The following HECW1 variants were observed in gnomAD, a reference collection of about 807,000 sequenced individuals.
HECW1 encodes E3 ubiquitin-protein ligase HECW1.
In HECW1, 61 loss-of-function variants were observed where a neutral mutation model predicts 182.3. The observed-to-expected ratio is 0.33, with a 90% CI of 0.27 to 0.41. The LOEUF is 0.41. Among genes scored for constraint, HECW1 ranks in the 10% least tolerant of loss-of-function variants. The pLI, the probability that HECW1 is intolerant of heterozygous loss-of-function variation, is 1.00. For missense variants in HECW1, 1,739 were observed against 2,108.9 expected (o/e 0.82, Z 3.44); for synonymous variants, 859 against 832.6 (o/e 1.03, Z -0.55).
intron 5 of HECW1, 132 bp from the exon 6 acceptor site, chr7:43,360,754 C>A: frequency 1.4e-6 from 1 of 702,334 alleles, no homozygotes; most frequent in Non-Finnish European, 2.6e-6. Context: ...TGAGGAGCAT[C>A]ATTGTCGAGT....
intron 3 of HECW1, chr7:43,248,705 C>CTCCTTT (rs1359814232): frequency 2.8e-5 from 4 of 140,422 alleles, no homozygotes; most frequent in African/African-American, 1.1e-4. Context: ...TTTCCTCCTC[C>CTCCTTT]TCCTCCTCCT....
chr7:43,370,621 C>T (rs923144386), intron 6 of HECW1, among the ~76,000 whole-genome samples: 1 of 151,882 alleles, frequency 6.6e-6, no homozygotes, highest in Non-Finnish European at 1.5e-5. Flanking sequence ...CTTTAGCAGG[C>T]AAGCAGATAA....
intron 14 of HECW1, among the ~76,000 whole-genome samples, chr7:43,466,170 A>C (rs1290533549): frequency 7.0e-6 from 1 of 142,756 alleles, no homozygotes; most frequent in Admixed American, 6.9e-5. Context: ...GGAAGGAAAG[A>C]AGGAAGGAAG....
intron 2 of HECW1, among the ~76,000 whole-genome samples, chr7:43,230,196 C>T (rs940350607): frequency 1.4e-4 from 21 of 152,294 alleles, no homozygotes; most frequent in African/African-American, 4.8e-4. Context: ...AGTTTGAGAC[C>T]AGCCTGGCCA....
At chr7:43,159,600 A>G (rs1352630318) in intron 2 of HECW1, among the ~76,000 whole-genome samples, 1 of 152,160 alleles carries the variant, frequency 6.6e-6, no homozygotes, top group African/African-American at 2.4e-5. Context: ...TTATGAATTT[A>G]CAATTCTACT....
chr7:43,220,125 C>T (rs1796819838), intron 2 of HECW1, among the ~76,000 whole-genome samples: 1 of 152,196 alleles, frequency 6.6e-6, no homozygotes, highest in Admixed American at 6.5e-5. Context: ...TTCCCAGTAC[C>T]CCTTAGGTTT....
chr7:43,301,702 T>C (rs868142572), intron 3 of HECW1, among the ~76,000 whole-genome samples: 10 of 151,922 alleles, frequency 6.6e-5, no homozygotes, highest in South Asian at 2.1e-4. Context: ...GTGAAACCCC[T>C]TCTCTACTAA....
intron 2 of HECW1, among the ~76,000 whole-genome samples, chr7:43,227,075 C>T (rs113413808): frequency 0.025 from 3,802 of 152,292 alleles, 76 homozygotes; most frequent in Non-Finnish European, 0.039. Context: ...ATGCCTCTCT[C>T]ATTAATGTCT....
chr7:43,380,458 C>T (rs1162007888), intron 6 of HECW1, among the ~76,000 whole-genome samples: 1 of 152,042 alleles, frequency 6.6e-6, no homozygotes, highest in African/African-American at 2.4e-5. Flanking sequence ...CCAGTTTATT[C>T]TACTGTTGAT....
chr7:43,295,880 A>C (rs1283749370), intron 3 of HECW1, among the ~76,000 whole-genome samples: 2 of 152,222 alleles, frequency 1.3e-5, no homozygotes, highest in Non-Finnish European at 2.9e-5. Flanking sequence ...GGCATCTATG[A>C]CATTGACGTA....
chr7:43,484,010 G>A (rs569097135), intron 17 of HECW1: 1 of 152,508 alleles, frequency 6.6e-6, no homozygotes, highest in African/African-American at 2.4e-5. Flanking sequence ...GCAGCCCATA[G>A]GGAGAAGGCT....
At position 43,358,818 on chromosome 7, in the gene HECW1, C is replaced by CTT. The variant is rs572118397; in HGVS notation, c.461-2045_461-2044dup. On this transcript the variant is annotated intron_variant, in intron 5 of 29. Transcript: ENST00000395891. Reference sequence around the variant, plus strand: ...GAAGGGAGGATCCTTAAAATATATTCTTTTTTTTTTTTTTTTTTTTTTTTG... The same window carrying CTT: ...GAAGGGAGGATCCTTAAAATATATTCTTTTTTTTTTTTTTTTTTTTTTTTTTG... Among the ~76,000 whole-genome samples the CTT allele has an allele frequency of 7.4e-3, 690 of 93,412 alleles. 2 individuals carry two copies. Among genetic ancestry groups the CTT allele is most frequent in the African/African-American group, 0.012 (290 of 24,598 alleles). 61.3% of individuals were successfully genotyped at this position (93,412 alleles called of 152,430 possible). A position where few individuals can be genotyped will look rare whatever the true frequency, so the allele number is the denominator to read the frequency against.
intron 19 of HECW1, among the ~76,000 whole-genome samples, chr7:43,498,703 AC>A (rs547708074): frequency 1.0e-3 from 154 of 151,674 alleles, no homozygotes; most frequent in African/African-American, 3.6e-3. Flanking sequence ...CACTGTGAAC[AC>A]CCCCCAGGTT....
chr7:43,333,481 C>T (rs1211186263), intron 5 of HECW1, among the ~76,000 whole-genome samples: 1 of 152,128 alleles, frequency 6.6e-6, no homozygotes. Flanking sequence ...TACTTATTCC[C>T]TACAGAAAAT....
intron 3 of HECW1, among the ~76,000 whole-genome samples, chr7:43,268,902 G>A (rs1330162264): frequency 6.6e-6 from 1 of 152,080 alleles, no homozygotes; most frequent in Non-Finnish European, 1.5e-5. Flanking sequence ...CTCCTGAGTA[G>A]CTACTGGGAC....
At chr7:43,131,989 C>T (rs754942783) in intron 2 of HECW1, among the ~76,000 whole-genome samples, 9 of 152,262 alleles carry the variant, frequency 5.9e-5, no homozygotes, top group East Asian at 1.9e-4. Context: ...ACAAGGGCAT[C>T]GAGTGGGGAA....
chr7:43,253,950 A>G (rs1171760522), intron 3 of HECW1, among the ~76,000 whole-genome samples: 2 of 152,158 alleles, frequency 1.3e-5, no homozygotes, highest in Admixed American at 1.3e-4. Flanking sequence ...TCACATGAAT[A>G]CATTCATTTT....
chr7:43,197,917 C>T (rs1200409247), intron 2 of HECW1, among the ~76,000 whole-genome samples: 1 of 151,988 alleles, frequency 6.6e-6, no homozygotes, highest in Non-Finnish European at 1.5e-5. Flanking sequence ...GCACTGGGCC[C>T]CTGATTCCCT....
intron 3 of HECW1, among the ~76,000 whole-genome samples, chr7:43,289,192 C>T (rs1049282900): frequency 6.6e-5 from 10 of 151,888 alleles, no homozygotes; most frequent in Non-Finnish European, 8.8e-5. Context: ...CTGCAACCTC[C>T]GACTCCCTGG....
Sources: gnomAD v4.1 joint callset for allele counts (sites outside exome capture counted in the v4.1 genomes callset) on GRCh38, gnomAD v4.1.1 for gene constraint, MANE v1.5 for transcripts, NCBI Gene and HGNC (gene_info 2026-07-23, HGNC 2026-07-21) for gene names.